PRKN: variants seen among roughly 807,000 people sequenced by gnomAD.
The protein encoded by PRKN is parkin RBR E3 ubiquitin protein ligase.
PRKN carries 56 observed loss-of-function variants against 59.5 expected under a neutral mutation model. That is an observed-to-expected ratio of 0.94 (90% confidence interval 0.76 to 1.18). The LOEUF is 1.18. Among genes scored for constraint, PRKN ranks in the 50% most tolerant of loss-of-function variants. The pLI is 0.00. For missense variants in PRKN, 657 were observed against 596.4 expected, an observed-to-expected ratio of 1.10 and a Z score of -1.06; for synonymous variants, 250 against 222.1, an observed-to-expected ratio of 1.13 and a Z score of -1.12.
At chr6:162,510,268 ATTGAAATTCTG>A (rs1777537727) in intron 1 of PRKN, among the ~76,000 whole-genome samples, 1 of 152,234 alleles carries the variant, frequency 6.6e-6, no homozygotes, top group Admixed American at 6.5e-5. Flanking sequence ...TGCAATTGTA[ATTGAAATTCTG>A]TTGGTTGAAT....
intron 5 of PRKN, among the ~76,000 whole-genome samples, chr6:162,000,578 A>C (rs967811222): frequency 2.6e-5 from 4 of 151,748 alleles, no homozygotes; most frequent in African/African-American, 4.8e-5. Context: ...TGTCTATTTA[A>C]ATTTTTTCTC....
intron 5 of PRKN, among the ~76,000 whole-genome samples, chr6:162,052,197 A>C (rs1777672067): frequency 6.6e-6 from 1 of 152,084 alleles, no homozygotes; most frequent in Non-Finnish European, 1.5e-5. Flanking sequence ...TTCAGATCTA[A>C]GTTCTATTTT....
intron 7 of PRKN, among the ~76,000 whole-genome samples, chr6:161,734,269 T>G (rs1344737995): frequency 6.6e-6 from 1 of 152,142 alleles, no homozygotes; most frequent in African/African-American, 2.4e-5. Context: ...TAACCAAAAA[T>G]CATGTTTCAA....
intron 6 of PRKN, among the ~76,000 whole-genome samples, chr6:161,816,808 A>T (rs1272397818): frequency 6.6e-6 from 1 of 152,128 alleles, no homozygotes; most frequent in Non-Finnish European, 1.5e-5. Flanking sequence ...AAGGATTGTC[A>T]CTATGCTGCA....
intron 3 of PRKN, among the ~76,000 whole-genome samples, chr6:162,226,580 C>A: frequency 6.6e-6 from 1 of 152,332 alleles, no homozygotes. Context: ...TGTTGCCAGG[C>A]TGGAGTGCAG....
rs1180636201 is a variant in PRKN, at chr6:162,390,396, T to TATATATATATATATATATATAC, written c.171+52913_171+52914insGTATATATATATATATATATAT. Among the ~76,000 whole-genome samples the TATATATATATATATATATATAC allele has an allele frequency of 8.5e-3, 712 of 83,708 alleles. 10 individuals carry two copies. The highest frequency in any genetic ancestry group is 0.013 in the Non-Finnish European group (531 of 41,192). 54.9% of individuals were successfully genotyped at this position (83,708 alleles called of 152,430 possible). A position where few individuals can be genotyped will look rare whatever the true frequency, so the allele number is the denominator to read the frequency against. Reference sequence around the variant, plus strand: ...TAAGGTATATATATATATATATATATACACACACACACACACACACACACA... The same window carrying TATATATATATATATATATATAC: ...TAAGGTATATATATATATATATATATATATATATATATATATATATACACACACACACACACACACACACACA... On this transcript the variant is annotated intron_variant, in intron 2 of 11. Coordinates refer to ENST00000366898, the MANE Select transcript of PRKN (RefSeq NM_004562.3).
rs1336597234 is a variant in PRKN at position 162,468,167 on chromosome 6, G to A, written c.8-24694C>T. 3.3e-5 allele frequency among the ~76,000 whole-genome samples: 5 copies of A among 152,176 alleles called. No homozygotes were observed. In the East Asian group the frequency reaches 7.7e-4, roughly 23 times the overall value. On this transcript the variant is annotated intron_variant, in intron 1 of 11. Transcript: ENST00000366898. The stretch of plus-strand genomic sequence containing the variant: ...GGGACTAATAAAATACGTGGAACAT[G>A]GAAATTGCTCCATATATAACAACCG...
intron 2 of PRKN, among the ~76,000 whole-genome samples, chr6:162,401,271 A>T (rs936120273): frequency 2.2e-4 from 33 of 152,032 alleles, no homozygotes; most frequent in African/African-American, 7.5e-4. Context: ...GAAACATCAA[A>T]TAAACTAAAA....
chr6:161,408,347 A>G (rs1787373204), intron 9 of PRKN, among the ~76,000 whole-genome samples: 1 of 151,090 alleles, frequency 6.6e-6, no homozygotes, highest in Non-Finnish European at 1.5e-5. Context: ...GCCCATCAGC[A>G]TAAACTCGTC....
At chr6:161,493,303 C>T (rs1450533329) in intron 9 of PRKN, among the ~76,000 whole-genome samples, 1 of 152,182 alleles carries the variant, frequency 6.6e-6, no homozygotes, top group African/African-American at 2.4e-5. Flanking sequence ...ATTCACTTAA[C>T]CATCAAAACT....
At chr6:162,634,385 T>TGAGGAC (rs1777630596) in intron 1 of PRKN, among the ~76,000 whole-genome samples, 2 of 152,052 alleles carry the variant, frequency 1.3e-5, no homozygotes, top group Admixed American at 1.3e-4. Context: ...ATCCCAGTGC[T>TGAGGAC]TTCTCCAAGG....
chr6:161,477,465 G>A lies in PRKN; in HGVS notation c.1083+71389C>T, dbSNP rs557687099. 6.1e-3 allele frequency among the ~76,000 whole-genome samples: 823 copies of A among 135,276 alleles called. 9 individuals carry two copies. The highest frequency in any genetic ancestry group is 0.021 in the African/African-American group (770 of 36,886). The allele number at this position is 135,276 out of a possible 152,430, so 88.7% of individuals were successfully genotyped here. On this transcript the variant is annotated intron_variant, in intron 9 of 11. Coordinates refer to ENST00000366898, the MANE Select transcript of PRKN (RefSeq NM_004562.3). ...CAGGAGGCAGAGGTTGTGGTGAGCCGAGATCACACCATTGCACTCCAGCAA... is the reference window on the plus strand; with the variant it reads ...CAGGAGGCAGAGGTTGTGGTGAGCCAAGATCACACCATTGCACTCCAGCAA...
chr6:162,569,789 A>G, intron 1 of PRKN: 2 of 484,618 alleles, frequency 4.1e-6, no homozygotes, highest in African/African-American at 4.0e-5. Flanking sequence ...CCTGGGAGGG[A>G]GGCTGCTGTG....
chr6:162,341,436 T>G (rs1482765666), intron 2 of PRKN, among the ~76,000 whole-genome samples: 1 of 152,188 alleles, frequency 6.6e-6, no homozygotes, highest in Non-Finnish European at 1.5e-5. Context: ...TAAATCATTC[T>G]ACTATAAAGA....
intron 1 of PRKN, among the ~76,000 whole-genome samples, chr6:162,667,024 C>G (rs1779128934): frequency 6.6e-6 from 1 of 152,052 alleles, no homozygotes. Flanking sequence ...CTGCTAAACT[C>G]TAATTACTTA....
intron 9 of PRKN, among the ~76,000 whole-genome samples, chr6:161,450,765 C>A (rs1446278236): frequency 6.6e-6 from 1 of 152,174 alleles, no homozygotes; most frequent in East Asian, 1.9e-4. Flanking sequence ...CTGTGTTAGC[C>A]AGGATGGTCT....
intron 5 of PRKN, among the ~76,000 whole-genome samples, chr6:162,007,774 G>A (rs1451512875): frequency 1.3e-5 from 2 of 152,032 alleles, no homozygotes; most frequent in East Asian, 1.9e-4. Context: ...AAATCAATTC[G>A]AATTTATAGC....
rs547296223 is a variant in PRKN at position 162,065,834 on chromosome 6, C to G, written c.535-11660G>C. 2.0e-4 allele frequency among the ~76,000 whole-genome samples: 31 copies of G among 152,180 alleles called. 1 individual carries two copies. In the South Asian group the frequency reaches 6.4e-3, roughly 32 times the overall value. ...GAACACGCGGTGTTTGATTTTCTGTCCTTGTGATATTTTGCTGAGAATGAT... is the reference window on the plus strand; with the variant it reads ...GAACACGCGGTGTTTGATTTTCTGTGCTTGTGATATTTTGCTGAGAATGAT... On this transcript the variant is annotated intron_variant, in intron 4 of 11. Transcript: ENST00000366898.
intron 2 of PRKN, among the ~76,000 whole-genome samples, chr6:162,366,016 A>C (rs571427790): frequency 6.6e-6 from 1 of 152,174 alleles, no homozygotes; most frequent in South Asian, 2.1e-4. Context: ...TTACTGCCCA[A>C]AGATTTGTAC....
Sources: allele counts gnomAD v4.1 joint callset (sites outside exome capture counted in the v4.1 genomes callset), GRCh38; gene constraint gnomAD v4.1.1; transcripts MANE v1.5; gene names NCBI Gene and HGNC (gene_info 2026-07-23, HGNC 2026-07-21).